COL19A1: variants seen among roughly 807,000 people sequenced by gnomAD.
COL19A1 encodes the protein collagen alpha-1(XIX) chain.
A neutral mutation model predicts 190.2 loss-of-function variants in COL19A1; 159 were observed. The observed-to-expected ratio is 0.84, with a 90% CI of 0.73 to 0.95. The LOEUF (loss-of-function observed/expected upper bound fraction) is 0.95, where lower values mean the gene tolerates loss of function less well. Ranked by LOEUF, COL19A1 falls within the 40% of genes least tolerant of loss-of-function variation. The pLI is 0.00. For synonymous variants in COL19A1, 509 were observed against 458.9 expected (o/e 1.11, Z -1.39); for missense variants, 1,418 against 1,431.9 (o/e 0.99, Z 0.16).
At chr6:70,142,466 A>T (rs1052861838) in intron 22 of COL19A1, among the ~76,000 whole-genome samples, 1 of 152,198 alleles carries the variant, frequency 6.6e-6, no homozygotes, top group African/African-American at 2.4e-5. Flanking sequence ...GGAGTGTCCC[A>T]AGAGAGCAGC....
chr6:69,974,448 T>A (rs1375193459), intron 11 of COL19A1, among the ~76,000 whole-genome samples: 1 of 152,186 alleles, frequency 6.6e-6, no homozygotes, highest in Admixed American at 6.5e-5. Context: ...AAGGTTTACT[T>A]ATGTGTACAA....
chr6:70,129,069 G>T (rs746667048), intron 17 of COL19A1, among the ~76,000 whole-genome samples: 1 of 152,192 alleles, frequency 6.6e-6, no homozygotes, highest in African/African-American at 2.4e-5. Context: ...TTTCTAAAGC[G>T]ATTGGTCTAG....
At position 70,146,171 on chromosome 6, in the gene COL19A1, T is replaced by C. The variant is rs117905447; in HGVS notation, c.1771-488T>C. Among the ~76,000 whole-genome samples the C allele has an allele frequency of 1.2e-3, 178 of 152,276 alleles. 6 individuals carry two copies. In the East Asian group the frequency reaches 0.03, roughly 26 times the overall value. The stretch of plus-strand genomic sequence containing the variant: ...TAGAGATCTATGGATCCCAGTCAGG[T>C]ACACTGGTTTTAAAACATAAACGTT... On this transcript the variant is annotated intron_variant, in intron 25 of 50. Transcript: ENST00000620364.
intron 2 of COL19A1, among the ~76,000 whole-genome samples, chr6:69,892,228 G>C (rs2149961700): frequency 6.6e-6 from 1 of 152,314 alleles, no homozygotes; most frequent in East Asian, 1.9e-4. Flanking sequence ...TAATTGCTCA[G>C]AACTAGAATA....
Position 70,048,886 on chromosome 6 carries a change from T to C in COL19A1, c.1170+12947T>C, listed in dbSNP as rs1266419022. 2.0e-5 allele frequency among the ~76,000 whole-genome samples: 3 copies of C among 152,108 alleles called. No individual in the cohort carries two copies. In the East Asian group the frequency reaches 5.8e-4, roughly 29 times the overall value. On this transcript the variant is annotated intron_variant, in intron 14 of 50. Transcript: ENST00000620364. ...TGAAATAAATACGTGCTTTGCTGCA[T>C]ATAATTTTTCAAAGGCTTACCCATT...
chr6:70,094,422 G>T (rs1328575073), intron 15 of COL19A1, among the ~76,000 whole-genome samples: 1 of 152,114 alleles, frequency 6.6e-6, no homozygotes, highest in African/African-American at 2.4e-5. Flanking sequence ...TGGAAACAGG[G>T]GAATGTTAGA....
chr6:70,199,693 G>A lies in COL19A1; in HGVS notation c.3180G>A (p.Gly1060=), dbSNP rs779798621. 4 of 1,610,800 alleles carry A rather than the reference G, an allele frequency of 2.5e-6. No homozygotes were observed. Among genetic ancestry groups the A allele is most frequent in the Non-Finnish European group, 3.4e-6 (4 of 1,178,090 alleles). Residue 1060 remains glycine (G), a synonymous_variant, in exon 49 of 51, where the codon GGG becomes GGA. Coordinates refer to ENST00000620364, the MANE Select transcript of COL19A1 (RefSeq NM_001858.6). ...AQAYGRPGPP[G]KDGLPGPPGD... Reference sequence around the variant, plus strand: ...CTTATGGGAGACCTGGGCCACCAGGGAAGGATGGGTTGCCTGGGCCACCAG... The same window carrying A: ...CTTATGGGAGACCTGGGCCACCAGGAAAGGATGGGTTGCCTGGGCCACCAG...
chr6:70,063,960 G>A (rs1781011063), intron 14 of COL19A1, among the ~76,000 whole-genome samples: 1 of 152,050 alleles, frequency 6.6e-6, no homozygotes, highest in Non-Finnish European at 1.5e-5. Context: ...ACCAATAATA[G>A]GCTCTGAAAT....
At chr6:69,902,055 GGT>G (rs1320483083) in intron 4 of COL19A1, among the ~76,000 whole-genome samples, 1 of 152,132 alleles carries the variant, frequency 6.6e-6, no homozygotes, top group Non-Finnish European at 1.5e-5. Flanking sequence ...TGAATTCTCT[GGT>G]TCTGTGGAGC....
In COL19A1 at chr6:69,910,331, T is replaced by C. The variant is rs372621874; in HGVS notation, c.266+9993T>C. Among the ~76,000 whole-genome samples, 44 of 152,306 alleles carry C rather than the reference T, an allele frequency of 2.9e-4. 1 individual carries two copies. The East Asian group carries it at 7.9e-3, about 27-fold the overall frequency. On this transcript the variant is annotated intron_variant, in intron 4 of 50. Transcript: ENST00000620364. ...AATGGTACCACAATGACTTCTGTGA[T>C]GTAGTACTTTATCACCATTTTATAG...
chr6:70,146,745 A>T, intron 26 of COL19A1, 42 bp downstream of exon 26: 1 of 1,595,328 alleles, frequency 6.3e-7, no homozygotes, highest in Admixed American at 1.8e-5. Context: ...ATGAATAATT[A>T]ACAAAATACA....
rs934925361 is a variant in COL19A1, at chr6:70,211,221, ACT to A, written c.*3948_*3949del. Among the ~76,000 whole-genome samples, 4 of 152,106 alleles carry A rather than the reference ACT, an allele frequency of 2.6e-5. No homozygotes were observed. Among genetic ancestry groups the A allele is most frequent in the African/African-American group, 9.7e-5 (4 of 41,432 alleles). ...TATTTACAAAAGTACAATTAGAAAC[ACT>A]GTTTTTTTTAAGTACCGTTTTTATT... On this transcript the variant is annotated 3_prime_UTR_variant, in exon 51 of 51. Coordinates refer to ENST00000620364, the MANE Select transcript of COL19A1 (RefSeq NM_001858.6).
rs937705251 is a variant in COL19A1, at chr6:70,211,905, C to A, written c.*4631C>A. On this transcript the variant is annotated 3_prime_UTR_variant, in exon 51 of 51. Transcript: ENST00000620364. ...AGACCAAAGCTAAGTCTAAGAAAAT[C>A]TAAATGGAAAAAAAATTGCGTGTTC... is the stretch of plus-strand genomic sequence containing the variant. Among the ~76,000 whole-genome samples the A allele has an allele frequency of 7.9e-5, 12 of 151,956 alleles. No individual in the cohort carries two copies. The highest frequency in any genetic ancestry group is 1.2e-4 in the Non-Finnish European group (8 of 67,960).
chr6:70,172,066 G>A, intron 41 of COL19A1, 49 bp downstream of exon 41: 2 of 1,569,992 alleles, frequency 1.3e-6, no homozygotes, highest in East Asian at 2.2e-5. Flanking sequence ...ATTCAAAATT[G>A]TTTACTGAGC....
chr6:70,129,642 G>A (rs1272993836), intron 17 of COL19A1, among the ~76,000 whole-genome samples: 1 of 152,190 alleles, frequency 6.6e-6, no homozygotes, highest in Non-Finnish European at 1.5e-5. Flanking sequence ...CTTGAGCCCA[G>A]GAGTTCAAGA....
chr6:69,921,201 A>T (rs2149999369), intron 4 of COL19A1, among the ~76,000 whole-genome samples: 1 of 131,390 alleles, frequency 7.6e-6, no homozygotes, highest in African/African-American at 2.8e-5. Context: ...TATATATCAC[A>T]TATATTCATA....
At chr6:70,157,617 T>A (rs1787521921) in intron 34 of COL19A1, among the ~76,000 whole-genome samples, 1 of 152,100 alleles carries the variant, frequency 6.6e-6, no homozygotes, top group South Asian at 2.1e-4. Flanking sequence ...TCTAGAAAAC[T>A]TTGAGGTTTG....
intron 11 of COL19A1, among the ~76,000 whole-genome samples, chr6:69,972,954 G>A (rs1775514357): frequency 6.6e-6 from 1 of 152,138 alleles, no homozygotes; most frequent in South Asian, 2.1e-4. Context: ...GCTGTTGACT[G>A]TAGTGAACCT....
intron 25 of COL19A1, among the ~76,000 whole-genome samples, chr6:70,145,709 C>A (rs1432860388): frequency 3.7e-5 from 5 of 136,152 alleles, no homozygotes; most frequent in Admixed American, 7.7e-5. Context: ...TTCATCTATT[C>A]ATCTTATTGT....
Sources: gnomAD v4.1 joint callset for allele counts (sites outside exome capture counted in the v4.1 genomes callset) on GRCh38, gnomAD v4.1.1 for gene constraint, MANE v1.5 for transcripts, NCBI Gene and HGNC (gene_info 2026-07-23, HGNC 2026-07-21) for gene names.